CNTN3: variants seen among roughly 807,000 people sequenced by gnomAD.
The protein encoded by CNTN3 is contactin 3.
CNTN3 carries 60 observed loss-of-function variants against 119.1 expected under a neutral mutation model. That is an observed-to-expected ratio of 0.50 (90% CI 0.41 to 0.62). CNTN3 has a LOEUF of 0.62. Among genes scored for constraint, CNTN3 ranks in the 20% least tolerant of loss-of-function variants. The pLI, the probability that CNTN3 is intolerant of heterozygous loss-of-function variation, is 0.00. For missense variants in CNTN3, 1,101 were observed against 1,242.4 expected, an observed-to-expected ratio of 0.89 and a Z score of 1.71; for synonymous variants, 450 against 438.7, an observed-to-expected ratio of 1.03 and a Z score of -0.32.
At chr3:74,438,242 T>G (rs754363762) in intron 4 of CNTN3, among the ~76,000 whole-genome samples, 12 of 152,352 alleles carry the variant, frequency 7.9e-5, no homozygotes, top group Non-Finnish European at 1.8e-4. Context: ...AATTTGCAGT[T>G]AGACTTCAGT....
chr3:74,310,167 G>C (rs1342771198), intron 13 of CNTN3, among the ~76,000 whole-genome samples: 1 of 151,978 alleles, frequency 6.6e-6, no homozygotes, highest in African/African-American at 2.4e-5. Context: ...ATAGAGAGTA[G>C]ATCTGCCTCT....
chr3:74,301,370 T>C, intron 16 of CNTN3, 28 bp downstream of exon 16: 3 of 1,605,768 alleles, frequency 1.9e-6, no homozygotes, highest in Non-Finnish European at 2.6e-6. Flanking sequence ...AATCTATTAA[T>C]CCATTACTCA....
chr3:74,483,269 G>C (rs1037750433), intron 4 of CNTN3, among the ~76,000 whole-genome samples: 3 of 152,008 alleles, frequency 2.0e-5, no homozygotes, highest in Non-Finnish European at 4.4e-5. Flanking sequence ...CTTTACGAAA[G>C]GGAGAATTAT....
chr3:74,419,630 T>G lies in CNTN3; in HGVS notation c.454+5215A>C, dbSNP rs143349982. Among the ~76,000 whole-genome samples the G allele has an allele frequency of 3.2e-3, 484 of 152,336 alleles. 13 individuals carry two copies. Among genetic ancestry groups the G allele is most frequent in the Non-Finnish European group, 1.2e-3 (80 of 68,040 alleles). The stretch of plus-strand genomic sequence containing the variant: ...ATACAAGACTTCCATTTCAAGAATA[T>G]GTGCATAGCAGAGATATGGAAAGCT... On this transcript the variant is annotated intron_variant, in intron 5 of 22. Transcript: ENST00000263665.
At chr3:74,611,240 G>T (rs372709623) in intron 1 of CNTN3, among the ~76,000 whole-genome samples, 8 of 152,240 alleles carry the variant, frequency 5.3e-5, no homozygotes, top group African/African-American at 1.9e-4. Context: ...TGCAAGGCAG[G>T]TTCTTGCACA....
intron 8 of CNTN3, among the ~76,000 whole-genome samples, chr3:74,368,019 G>A (rs1704240772): frequency 6.6e-6 from 1 of 151,904 alleles, no homozygotes; most frequent in African/African-American, 2.4e-5. Flanking sequence ...TAGAATCCTA[G>A]GAACCCAAAG....
At chr3:74,341,988 G>A (rs569714321) in intron 11 of CNTN3, among the ~76,000 whole-genome samples, 11 of 152,194 alleles carry the variant, frequency 7.2e-5, no homozygotes, top group Admixed American at 5.2e-4. Flanking sequence ...ACATGAGATC[G>A]TAATGATTAA....
intron 4 of CNTN3, among the ~76,000 whole-genome samples, chr3:74,451,515 T>C (rs1702155456): frequency 6.6e-6 from 1 of 152,024 alleles, no homozygotes; most frequent in African/African-American, 2.4e-5. Flanking sequence ...GCTCTTTAGT[T>C]TAATTAGATC....
intron 19 of CNTN3, 130 bp from the exon 20 acceptor site, chr3:74,285,621 A>G (rs762395092): frequency 2.4e-6 from 2 of 848,958 alleles, no homozygotes; most frequent in Non-Finnish European, 3.6e-6. Context: ...AAGACCTACT[A>G]TGTGCTAGGT....
At chr3:74,455,239 T>A (rs1262806755) in intron 4 of CNTN3, among the ~76,000 whole-genome samples, 1 of 152,096 alleles carries the variant, frequency 6.6e-6, no homozygotes, top group Non-Finnish European at 1.5e-5. Flanking sequence ...CCTTCTCGCT[T>A]CATTTCATTC....
intron 5 of CNTN3, among the ~76,000 whole-genome samples, chr3:74,414,866 T>C (rs2106877100): frequency 6.8e-6 from 1 of 146,326 alleles, no homozygotes; most frequent in African/African-American, 2.5e-5. Flanking sequence ...TCACCTGGTG[T>C]TTCCTATAGT....
At chr3:74,315,601 C>T (rs1336707246) in intron 13 of CNTN3, among the ~76,000 whole-genome samples, 4 of 151,914 alleles carry the variant, frequency 2.6e-5, no homozygotes, top group South Asian at 4.2e-4. Context: ...CCTCTCAGAC[C>T]GTAATAGAAT....
intron 1 of CNTN3, among the ~76,000 whole-genome samples, chr3:74,600,326 A>G (rs977023258): frequency 2.6e-5 from 4 of 152,120 alleles, no homozygotes; most frequent in Admixed American, 1.3e-4. Context: ...ATCAGTAGAA[A>G]AGTTCACTCA....
At chr3:74,370,555 C>T (rs924893883) in intron 6 of CNTN3, among the ~76,000 whole-genome samples, 1 of 151,970 alleles carries the variant, frequency 6.6e-6, no homozygotes, top group Non-Finnish European at 1.5e-5. Context: ...AGTTAAGAAA[C>T]AATGACTTAA....
intron 4 of CNTN3, among the ~76,000 whole-genome samples, chr3:74,452,456 T>G (rs1702177801): frequency 6.7e-6 from 1 of 148,324 alleles, no homozygotes; most frequent in South Asian, 2.1e-4. Flanking sequence ...TCATGTCATC[T>G]GCAAACAGGG....
chr3:74,534,264 C>T (rs1391866470), intron 1 of CNTN3, among the ~76,000 whole-genome samples: 1 of 151,962 alleles, frequency 6.6e-6, no homozygotes, highest in African/African-American at 2.4e-5. Flanking sequence ...CCCTTATGCC[C>T]ATCACCCAAC....
chr3:74,454,112 G>A (rs368961932), intron 4 of CNTN3, among the ~76,000 whole-genome samples: 2 of 119,080 alleles, frequency 1.7e-5, no homozygotes, highest in African/African-American at 6.5e-5. Flanking sequence ...ACAGTGGGGT[G>A]TTAAAGTCTC....
chr3:74,559,618 A>C lies in CNTN3; in HGVS notation c.-80-38426T>G, dbSNP rs200100294. On this transcript the variant is annotated intron_variant, in intron 1 of 22. Transcript: ENST00000263665. ...ACCAACTTGGACCAAAAAAGAAAAG[A>C]AAAAAAAAAAGCAGTACTGAGCACA... Among the ~76,000 whole-genome samples, 9 of 5,078 alleles carry C rather than the reference A, an allele frequency of 1.8e-3. No individual in the cohort carries two copies. In the South Asian group the frequency reaches 0.11, roughly 62 times the overall value. 3.3% of individuals were successfully genotyped at this position (5,078 alleles called of 152,430 possible). A position where few individuals can be genotyped will look rare whatever the true frequency, so the allele number is the denominator to read the frequency against.
intron 4 of CNTN3, among the ~76,000 whole-genome samples, chr3:74,440,550 C>T (rs1030204425): frequency 1.3e-5 from 2 of 151,614 alleles, no homozygotes; most frequent in Non-Finnish European, 2.9e-5. Context: ...TACAGTTAGC[C>T]TTCTGTATCC....
Sources: gnomAD v4.1 joint callset for allele counts (sites outside exome capture counted in the v4.1 genomes callset) on GRCh38, gnomAD v4.1.1 for gene constraint, MANE v1.5 for transcripts, NCBI Gene and HGNC (gene_info 2026-07-23, HGNC 2026-07-21) for gene names.